The following BIRC5 variants were observed in gnomAD, a reference collection of about 807,000 sequenced individuals.
The protein encoded by BIRC5 is baculoviral IAP repeat-containing protein 5.
Under a neutral mutation model 15.8 loss-of-function variants are expected in BIRC5, and 8 were observed. The observed-to-expected ratio is 0.51, with a 90% CI of 0.30 to 0.91. The LOEUF is 0.91. Among genes scored for constraint, BIRC5 ranks in the 40% least tolerant of loss-of-function variants. The pLI, the probability that BIRC5 is intolerant of heterozygous loss-of-function variation, is 0.07. For synonymous variants in BIRC5, 56 were observed against 64.5 expected, an observed-to-expected ratio of 0.87 and a Z score of 0.63; for missense variants, 163 against 178.6, an observed-to-expected ratio of 0.91 and a Z score of 0.50.
chr17:78,221,730 G>A (rs1384130480), intron 3 of BIRC5, among the ~76,000 whole-genome samples: 5 of 152,192 alleles, frequency 3.3e-5, no homozygotes, highest in African/African-American at 7.2e-5. Flanking sequence ...ACATTGGGGT[G>A]GTTAAATTAT....
chr17:78,216,600 TGG>T lies in BIRC5; in HGVS notation c.222-61_222-60del, dbSNP rs2076479740. On this transcript the variant is annotated intron_variant, in intron 2 of 3. Coordinates refer to ENST00000350051, the MANE Select transcript of BIRC5 (RefSeq NM_001168.3). The stretch of plus-strand genomic sequence containing the variant: ...GTGGAGGGCGTGGGGAGGTGGCCCG[TGG>T]GGAGTGGACTGCCGCTTTAATCCCT... 2.1e-6 allele frequency: 3 copies of T among 1,437,134 alleles called. No homozygotes were observed. In the East Asian group the frequency reaches 6.9e-5, roughly 33 times the overall value. 89.0% of individuals were successfully genotyped at this position (1,437,134 alleles called of 1,614,324 possible).
At chr17:78,216,449 G>T in intron 2 of BIRC5, 1 of 497,162 alleles carries the variant, frequency 2.0e-6, no homozygotes. Flanking sequence ...CAGATGTGGG[G>T]GGAGATGTCC....
chr17:78,222,522 C>T (rs1014141591), intron 3 of BIRC5, among the ~76,000 whole-genome samples: 12 of 151,744 alleles, frequency 7.9e-5, no homozygotes, highest in African/African-American at 9.7e-5. Context: ...CAAAATTAGC[C>T]GGGGTGGTGG....
intron 2 of BIRC5, among the ~76,000 whole-genome samples, chr17:78,215,771 T>C (rs913115205): frequency 2.7e-4 from 41 of 152,240 alleles, no homozygotes; most frequent in African/African-American, 9.9e-4. Flanking sequence ...AGTGTTATGA[T>C]ATTTTCAGAT....
intron 3 of BIRC5, among the ~76,000 whole-genome samples, chr17:78,221,582 C>T (rs1468004754): frequency 6.6e-6 from 1 of 152,146 alleles, no homozygotes; most frequent in South Asian, 2.1e-4. Flanking sequence ...GCTGGGATTA[C>T]AAACCCAAAC....
chr17:78,214,927 C>T (rs563242120), intron 2 of BIRC5, 138 bp downstream of exon 2: 19 of 776,196 alleles, frequency 2.4e-5, no homozygotes, highest in Middle Eastern at 2.3e-4. Flanking sequence ...GAACGGATAC[C>T]TCTCTATATG....
intron 3 of BIRC5, among the ~76,000 whole-genome samples, chr17:78,221,395 C>T (rs1423358610): frequency 6.6e-6 from 1 of 152,012 alleles, no homozygotes; most frequent in East Asian, 1.9e-4. Flanking sequence ...GGACTACAGG[C>T]GCATGCCACC....
chr17:78,216,475 G>T, intron 2 of BIRC5, 189 bp from the exon 3 acceptor site: 1 of 568,456 alleles, frequency 1.8e-6, no homozygotes, highest in Admixed American at 2.8e-5. Context: ...GAGAGAGAAG[G>T]TGCTAAGAGG....
At chr17:78,221,488 G>A (rs913014310) in intron 3 of BIRC5, among the ~76,000 whole-genome samples, 72 of 151,778 alleles carry the variant, frequency 4.7e-4, no homozygotes, top group African/African-American at 1.5e-3. Context: ...GTGCAGTGGC[G>A]TGATCTCGGC....
At chr17:78,216,292 A>C (rs2145894078) in intron 2 of BIRC5, 1 of 168,720 alleles carries the variant, frequency 5.9e-6, no homozygotes, top group Non-Finnish European at 1.3e-5. Flanking sequence ...TGGATTACAT[A>C]ACAATTCCAG....
At chr17:78,215,476 A>AT (rs1452880052) in intron 2 of BIRC5, among the ~76,000 whole-genome samples, 4 of 151,456 alleles carry the variant, frequency 2.6e-5, no homozygotes, top group Admixed American at 6.6e-5. Context: ...GTTGTTCTGG[A>AT]TTTTTTTCTT....
Position 78,224,733 on chromosome 17 carries a change from T to C in BIRC5, c.*1179T>C, listed in dbSNP as rs2145903134. On this transcript the variant is annotated 3_prime_UTR_variant, in exon 4 of 4. Transcript: ENST00000350051. ...TGGACCCTACTGGGTTTTTAAAATATTGTCAGTTTTTCATCGTCGTCCCTA... is the reference window on the plus strand; with the variant it reads ...TGGACCCTACTGGGTTTTTAAAATACTGTCAGTTTTTCATCGTCGTCCCTA... 2.0e-5 allele frequency: 3 copies of C among 152,306 alleles called. No individual in the cohort carries two copies. The highest frequency in any genetic ancestry group is 2.0e-4 in the Admixed American group (3 of 15,288). 9.4% of individuals were successfully genotyped at this position (152,306 alleles called of 1,614,324 possible). A position where few individuals can be genotyped will look rare whatever the true frequency, so the allele number is the denominator to read the frequency against.
Position 78,223,467 on chromosome 17 carries a change from A to G in BIRC5, c.342A>G (p.Ala114=). 6.3e-7 allele frequency: 1 copy of G among 1,595,942 alleles called. No individual in the cohort carries two copies. The highest frequency in any genetic ancestry group is 8.5e-7 in the Non-Finnish European group (1 of 1,169,656). The change falls in exon 4 of 4, where the codon GCA becomes GCG. Residue 114 remains alanine (A), a splice_region_variant and synonymous_variant. Coordinates refer to ENST00000350051, the MANE Select transcript of BIRC5 (RefSeq NM_001168.3). ...ATGTGTCTATTCTTTATTTCCAGGC[A>G]AAGGAAACCAACAATAAGAAGAAAG... ...LDRERAKNKI[A]KETNNKKKEF...
At chr17:78,219,869 C>T (rs1163075498) in intron 3 of BIRC5, among the ~76,000 whole-genome samples, 1 of 152,190 alleles carries the variant, frequency 6.6e-6, no homozygotes, top group South Asian at 2.1e-4. Context: ...CAAGGAGCAG[C>T]TTGTGTGCCT....
chr17:78,218,384 C>G (rs1421726148), intron 3 of BIRC5, among the ~76,000 whole-genome samples: 1 of 151,098 alleles, frequency 6.6e-6, no homozygotes, highest in Non-Finnish European at 1.5e-5. Context: ...ACCTCTGCCT[C>G]CCGGGGTCAA....
chr17:78,217,244 C>A lies in BIRC5; in HGVS notation c.339+463C>A, dbSNP rs191677036. 2.6e-3 allele frequency among the ~76,000 whole-genome samples: 388 copies of A among 150,074 alleles called. 1 individual carries two copies. Among genetic ancestry groups the A allele is most frequent in the African/African-American group, 8.9e-3 (364 of 40,710 alleles). On this transcript the variant is annotated intron_variant, in intron 3 of 3. Transcript: ENST00000350051. Reference sequence around the variant, plus strand: ...AGGCTGGAGTGGGGTGGCCTGATCTCGGATCACTGCAACCTCCGCCTCCTG... The same window carrying A: ...AGGCTGGAGTGGGGTGGCCTGATCTAGGATCACTGCAACCTCCGCCTCCTG...
intron 3 of BIRC5, among the ~76,000 whole-genome samples, chr17:78,218,441 G>C (rs1160790856): frequency 2.1e-5 from 3 of 141,256 alleles, no homozygotes; most frequent in African/African-American, 2.7e-5. Flanking sequence ...CTACAGGCAC[G>C]CACCACCATG....
intron 3 of BIRC5, chr17:78,222,698 T>A: frequency 7.7e-7 from 1 of 1,293,932 alleles, no homozygotes; most frequent in Non-Finnish European, 1.0e-6. Flanking sequence ...AGTTAACCTC[T>A]GTCAGCAAAC....
At chr17:78,222,994 T>C (rs1266547882) in intron 3 of BIRC5, 1 of 1,482,598 alleles carries the variant, frequency 6.7e-7, no homozygotes, top group Non-Finnish European at 8.9e-7. Context: ...AGGAGAAAGG[T>C]AGGGCAGTGG....
Sources: allele counts gnomAD v4.1 joint callset (sites outside exome capture counted in the v4.1 genomes callset), GRCh38; gene constraint gnomAD v4.1.1; transcripts MANE v1.5; gene names NCBI Gene and HGNC (gene_info 2026-07-23, HGNC 2026-07-21).